ATG10: variants seen among roughly 807,000 people sequenced by gnomAD.
ATG10 encodes the protein ubiquitin-like-conjugating enzyme ATG10.
Under a neutral mutation model 32.1 loss-of-function variants are expected in ATG10, and 30 were observed. That is an observed-to-expected ratio of 0.94 (90% CI 0.70 to 1.27). The LOEUF (loss-of-function observed/expected upper bound fraction) is 1.27. ATG10 is among the 50% of genes most tolerant of loss of function. The probability of loss-of-function intolerance (pLI) is 0.00; values close to 1 mark genes in which losing one functional copy is unlikely to be tolerated. For synonymous variants in ATG10, 87 were observed against 91.5 expected, an observed-to-expected ratio of 0.95 and a Z score of 0.28; for missense variants, 233 against 262.3, an observed-to-expected ratio of 0.89 and a Z score of 0.77.
chr5:82,074,139 T>A (rs1764205512), intron 3 of ATG10, among the ~76,000 whole-genome samples: 1 of 152,218 alleles, frequency 6.6e-6, no homozygotes, highest in Admixed American at 6.5e-5. Context: ...TATTCCATTC[T>A]ATATAAAATT....
At chr5:82,039,593 G>A (rs556722447) in intron 2 of ATG10, among the ~76,000 whole-genome samples, 42 of 152,242 alleles carry the variant, frequency 2.8e-4, no homozygotes, top group African/African-American at 8.4e-4. Context: ...GGGGAAATAC[G>A]CATTAGGAAA....
chr5:82,139,823 C>G (rs1199272787), intron 3 of ATG10, among the ~76,000 whole-genome samples: 2 of 143,524 alleles, frequency 1.4e-5, no homozygotes, highest in African/African-American at 5.2e-5. Context: ...GCCAGCCACC[C>G]CATCCGGGAG....
chr5:82,180,925 T>G lies in ATG10; in HGVS notation c.453+2338T>G, dbSNP rs114465575. On this transcript the variant is annotated intron_variant, in intron 5 of 7. Coordinates refer to ENST00000282185, the MANE Select transcript of ATG10 (RefSeq NM_031482.5). ...ACATAAGAACAAGATTTTGATACAA[T>G]GTTGACATAGATTTCTTTTTATTGA... Among the ~76,000 whole-genome samples the G allele has an allele frequency of 2.4e-3, 368 of 152,272 alleles. 1 individual carries two copies. The highest frequency in any genetic ancestry group is 8.7e-3 in the African/African-American group (361 of 41,568).
intron 5 of ATG10, among the ~76,000 whole-genome samples, chr5:82,219,848 A>G (rs1171917405): frequency 3.9e-5 from 6 of 152,228 alleles, no homozygotes; most frequent in Non-Finnish European, 7.3e-5. Flanking sequence ...TCTTTCTCTC[A>G]TTCACAAATA....
At chr5:82,230,889 A>G (rs1746342622) in intron 5 of ATG10, among the ~76,000 whole-genome samples, 1 of 152,144 alleles carries the variant, frequency 6.6e-6, no homozygotes, top group African/African-American at 2.4e-5. Flanking sequence ...AAAATTATAT[A>G]TGAAATAATG....
intron 2 of ATG10, among the ~76,000 whole-genome samples, chr5:81,992,755 G>C (rs1761500220): frequency 6.6e-6 from 1 of 152,128 alleles, no homozygotes; most frequent in Non-Finnish European, 1.5e-5. Flanking sequence ...TTAGAGAACT[G>C]CTATAATTTA....
At chr5:82,064,421 A>T (rs1352939247) in intron 3 of ATG10, among the ~76,000 whole-genome samples, 1 of 152,056 alleles carries the variant, frequency 6.6e-6, no homozygotes, top group Admixed American at 6.5e-5. Flanking sequence ...AGATATGTAG[A>T]TATGTGAATG....
rs1354100439 is a variant in ATG10 at position 82,072,563 on chromosome 5, C to T, written c.216+13961C>T. Among the ~76,000 whole-genome samples the T allele has an allele frequency of 2.0e-5, 3 of 151,884 alleles. No homozygotes were observed. The East Asian group carries it at 5.8e-4, about 29-fold the overall frequency. On this transcript the variant is annotated intron_variant, in intron 3 of 7. Transcript: ENST00000282185. ...TAGAAAGGCTTTTTGTGAACATAAC[C>T]AATGTGACATTATTGCTCTACAATG...
chr5:82,223,955 A>C (rs1036860726), intron 5 of ATG10, among the ~76,000 whole-genome samples: 3 of 152,186 alleles, frequency 2.0e-5, no homozygotes, highest in Non-Finnish European at 2.9e-5. Context: ...GTGACTAGAG[A>C]GCAAACCAGA....
At chr5:82,013,921 A>G (rs1052678910) in intron 2 of ATG10, among the ~76,000 whole-genome samples, 8 of 152,040 alleles carry the variant, frequency 5.3e-5, no homozygotes, top group African/African-American at 9.7e-5. Flanking sequence ...TCATATTTAC[A>G]GATTGTGAAT....
chr5:82,019,392 T>G (rs927384834), intron 2 of ATG10, among the ~76,000 whole-genome samples: 1 of 152,160 alleles, frequency 6.6e-6, no homozygotes, highest in African/African-American at 2.4e-5. Context: ...TAACAGTGTG[T>G]TGAGTGGGAC....
intron 2 of ATG10, among the ~76,000 whole-genome samples, chr5:82,044,347 G>A (rs1733025555): frequency 1.3e-5 from 2 of 151,980 alleles, no homozygotes; most frequent in Admixed American, 1.3e-4. Flanking sequence ...CTCCCACCAG[G>A]CCCCTCCTCT....
chr5:82,139,414 C>T (rs1408125580), intron 3 of ATG10, among the ~76,000 whole-genome samples: 232 of 144,736 alleles, frequency 1.6e-3, no homozygotes, highest in African/African-American at 4.0e-3. Context: ...TCTTCCCAGC[C>T]GCCATCACAT....
chr5:82,139,009 C>T (rs569689997), intron 3 of ATG10, among the ~76,000 whole-genome samples: 17 of 151,048 alleles, frequency 1.1e-4, no homozygotes, highest in African/African-American at 2.7e-4. Context: ...CGCGCCGCCA[C>T]GCCTGACTGG....
chr5:82,017,333 G>T (rs1270456062), intron 2 of ATG10, among the ~76,000 whole-genome samples: 1 of 151,926 alleles, frequency 6.6e-6, no homozygotes, highest in African/African-American at 2.4e-5. Context: ...TAGGGTATAC[G>T]ATAATGTCCT....
intron 4 of ATG10, among the ~76,000 whole-genome samples, chr5:82,176,933 A>T (rs1030058250): frequency 6.6e-6 from 1 of 152,212 alleles, no homozygotes; most frequent in Admixed American, 6.5e-5. Flanking sequence ...AAGGTTGAGG[A>T]AAAGTTCAAC....
At chr5:82,153,027 C>G (rs1419304703) in intron 3 of ATG10, among the ~76,000 whole-genome samples, 2 of 152,230 alleles carry the variant, frequency 1.3e-5, no homozygotes, top group African/African-American at 4.8e-5. Flanking sequence ...CCTGCCTTCA[C>G]TCACATTCAA....
intron 2 of ATG10, among the ~76,000 whole-genome samples, chr5:82,006,608 G>A (rs186320668): frequency 2.0e-5 from 3 of 152,164 alleles, no homozygotes; most frequent in Admixed American, 1.3e-4. Context: ...AGACTCTAAA[G>A]CCATGAAATA....
chr5:82,118,599 A>T (rs1046286335), intron 3 of ATG10, among the ~76,000 whole-genome samples: 13 of 151,898 alleles, frequency 8.6e-5, no homozygotes, highest in Middle Eastern at 3.4e-3. Flanking sequence ...CAGTGAAAAG[A>T]TAATGGATTA....
Sources: gnomAD v4.1 joint callset for allele counts (sites outside exome capture counted in the v4.1 genomes callset) on GRCh38, gnomAD v4.1.1 for gene constraint, MANE v1.5 for transcripts, NCBI Gene and HGNC (gene_info 2026-07-23, HGNC 2026-07-21) for gene names.